Variants in KIAA1217 observed in about 807,000 individuals in gnomAD.
KIAA1217 encodes sickle tail protein homolog.
Under a neutral mutation model 163.9 loss-of-function variants are expected in KIAA1217, and 88 were observed. The observed-to-expected ratio is 0.54, with a 90% CI of 0.45 to 0.64. The LOEUF (loss-of-function observed/expected upper bound fraction) is 0.64. Ranked by LOEUF, KIAA1217 falls within the 30% of genes least tolerant of loss-of-function variation. The probability of loss-of-function intolerance (pLI) is 0.00; values close to 1 mark genes in which losing one functional copy is unlikely to be tolerated. For missense variants in KIAA1217, 2,372 were observed against 2,475.0 expected, an observed-to-expected ratio of 0.96 and a Z score of 0.88; for synonymous variants, 903 against 923.1, an observed-to-expected ratio of 0.98 and a Z score of 0.39.
At position 24,102,183 on chromosome 10, in the gene KIAA1217, A is replaced by G. The variant is rs181766768; in HGVS notation, c.-171+94809A>G. Among the ~76,000 whole-genome samples, 124 of 152,338 alleles carry G rather than the reference A, an allele frequency of 8.1e-4. 3 individuals are homozygous for G. The East Asian group carries it at 0.022, about 27-fold the overall frequency. On this transcript the variant is annotated intron_variant, in intron 2 of 18. Coordinates refer to the KIAA1217 transcript ENST00000376462. ...AAAAATGTCCTGGAATGAAGAAGCA[A>G]TTATAGCAAGGTTGTAGGATAAAAT...
At chr10:24,409,682 G>A (rs1029492142) in intron 3 of KIAA1217, among the ~76,000 whole-genome samples, 12 of 152,022 alleles carry the variant, frequency 7.9e-5, no homozygotes, top group South Asian at 2.1e-4. Context: ...TGAGATTTTC[G>A]TGCACCCATC....
In KIAA1217 at chr10:23,773,663, T is replaced by C. The variant is rs192155920; in HGVS notation, c.-321+78429T>C. ...TTGAGCAGTGGTTTGTAGTTCTCCT[T>C]GAAGAGGTCCTTCACATCCCTTGTA... On this transcript the variant is annotated intron_variant, in intron 1 of 18. Transcript: ENST00000376462. 2.2e-4 allele frequency among the ~76,000 whole-genome samples: 34 copies of C among 152,286 alleles called. No homozygotes were observed. In the East Asian group the frequency reaches 6.6e-3, roughly 29 times the overall value.
intron 1 of KIAA1217, among the ~76,000 whole-genome samples, chr10:23,839,725 C>T (rs1242238925): frequency 2.0e-5 from 3 of 152,152 alleles, no homozygotes; most frequent in African/African-American, 7.2e-5. Context: ...ACTATCGCCT[C>T]TCCATCTCTG....
intron 1 of KIAA1217, among the ~76,000 whole-genome samples, chr10:23,814,556 A>C (rs942811490): frequency 3.3e-5 from 5 of 152,218 alleles, no homozygotes; most frequent in African/African-American, 1.2e-4. Flanking sequence ...ATAAGTATTA[A>C]ATGAACAAGT....
At chr10:24,132,273 G>A (rs1280677911) in intron 2 of KIAA1217, among the ~76,000 whole-genome samples, 2 of 151,726 alleles carry the variant, frequency 1.3e-5, no homozygotes, top group African/African-American at 2.4e-5. Flanking sequence ...GCTGAAAGAC[G>A]AAAAGAAAAT....
chr10:24,402,152 A>G (rs1473151935), intron 3 of KIAA1217, among the ~76,000 whole-genome samples: 1 of 152,220 alleles, frequency 6.6e-6, no homozygotes, highest in East Asian at 1.9e-4. Context: ...ATATTCCTAT[A>G]AAAACCACAG....
chr10:24,474,340 A>G (rs981803688), intron 6 of KIAA1217, among the ~76,000 whole-genome samples: 2 of 152,364 alleles, frequency 1.3e-5, no homozygotes, highest in South Asian at 2.1e-4. Context: ...ATCTAAGAGC[A>G]TTATCATTTG....
chr10:23,834,374 A>G (rs1354082773), intron 1 of KIAA1217, among the ~76,000 whole-genome samples: 2 of 152,270 alleles, frequency 1.3e-5, no homozygotes, highest in East Asian at 1.9e-4. Flanking sequence ...GCAGCACCCA[A>G]TGTCAGGTTT....
At chr10:23,801,690 C>T (rs968046190) in intron 1 of KIAA1217, among the ~76,000 whole-genome samples, 1 of 152,130 alleles carries the variant, frequency 6.6e-6, no homozygotes, top group African/African-American at 2.4e-5. Context: ...TGCACAGACA[C>T]CCCAGGTGTA....
At position 24,368,857 on chromosome 10, in the gene KIAA1217, A is replaced by G. The variant is rs1006353719; in HGVS notation, c.355-12012A>G. On this transcript the variant is annotated intron_variant, in intron 2 of 20. Transcript: ENST00000376454. ...ACCAGCTTACTACCTAAGGAAAGCTAAATGGTTGGCATCTTTTATAATTTA... is the reference window on the plus strand; with the variant it reads ...ACCAGCTTACTACCTAAGGAAAGCTGAATGGTTGGCATCTTTTATAATTTA... 1.0e-5 allele frequency: 10 copies of G among 984,452 alleles called. No homozygotes were observed. In the African/African-American group the frequency reaches 1.6e-4, roughly 15 times the overall value. The allele number at this position is 984,452 out of a possible 1,614,324, so 61.0% of individuals were successfully genotyped here. A position where few individuals can be genotyped will look rare whatever the true frequency, so the allele number is the denominator to read the frequency against.
chr10:24,125,322 CTGTGTGTGTG>C (rs58143239), intron 2 of KIAA1217, among the ~76,000 whole-genome samples: 7,822 of 143,734 alleles, frequency 0.054, 262 homozygotes, highest in African/African-American at 0.089. Flanking sequence ...ATCCTATGCT[CTGTGTGTGTG>C]TGTGTGTGTG....
chr10:24,140,552 G>A (rs1214182120), intron 2 of KIAA1217, among the ~76,000 whole-genome samples: 1 of 152,110 alleles, frequency 6.6e-6, no homozygotes, highest in Non-Finnish European at 1.5e-5. Flanking sequence ...GTAACTTAGG[G>A]TAGATCCTCT....
At chr10:24,330,899 C>G (rs374334083) in intron 2 of KIAA1217, among the ~76,000 whole-genome samples, 66 of 152,204 alleles carry the variant, frequency 4.3e-4, no homozygotes, top group African/African-American at 1.5e-3. Flanking sequence ...TATGTGTGAG[C>G]CACTGTGCCC....
intron 2 of KIAA1217, among the ~76,000 whole-genome samples, chr10:24,105,096 A>G (rs1032150904): frequency 6.6e-6 from 1 of 152,080 alleles, no homozygotes; most frequent in Admixed American, 6.6e-5. Flanking sequence ...GATGATGAAT[A>G]CTTAATAGTT....
At chr10:24,357,189 A>G (rs1346565448) in intron 2 of KIAA1217, among the ~76,000 whole-genome samples, 1 of 152,202 alleles carries the variant, frequency 6.6e-6, no homozygotes, top group African/African-American at 2.4e-5. Flanking sequence ...CACTGTAGGT[A>G]GAGGAAGACA....
intron 3 of KIAA1217, among the ~76,000 whole-genome samples, chr10:24,418,461 A>G (rs2058448512): frequency 6.6e-6 from 1 of 152,234 alleles, no homozygotes. Flanking sequence ...GAACAATAAA[A>G]TTTATACACT....
At chr10:24,495,086 A>AAT in intron 7 of KIAA1217, 61 bp from the exon 8 acceptor site, 2 of 129,464 alleles carry the variant, frequency 1.5e-5, no homozygotes, top group Non-Finnish European at 2.2e-5. Context: ...AATGGGCTTT[A>AAT]AAAAAAAAAA....
chr10:24,179,820 T>C (rs1238982052), intron 2 of KIAA1217, among the ~76,000 whole-genome samples: 2 of 152,102 alleles, frequency 1.3e-5, no homozygotes, highest in African/African-American at 4.8e-5. Context: ...ACTCCTGACC[T>C]CAAGTGATCC....
chr10:24,002,841 C>T (rs1846814560), intron 1 of KIAA1217, among the ~76,000 whole-genome samples: 1 of 152,102 alleles, frequency 6.6e-6, no homozygotes, highest in Non-Finnish European at 1.5e-5. Context: ...TTCATTATAT[C>T]ATTCTTATGC....
Sources: gnomAD v4.1 joint callset for allele counts (sites outside exome capture counted in the v4.1 genomes callset) on GRCh38, gnomAD v4.1.1 for gene constraint, MANE v1.5 for transcripts, NCBI Gene and HGNC (gene_info 2026-07-23, HGNC 2026-07-21) for gene names.